SENP1: variants seen among roughly 807,000 people sequenced by gnomAD.
The protein encoded by SENP1 is sentrin-specific protease 1.
In SENP1, 21 loss-of-function variants were observed where a neutral mutation model predicts 93.0. The ratio of observed to expected loss-of-function variants is 0.23; its 90% CI spans 0.16 to 0.33. The LOEUF (loss-of-function observed/expected upper bound fraction) is 0.33. SENP1 is among the 10% of genes least tolerant of loss of function. The probability of loss-of-function intolerance (pLI) is 1.00; values close to 1 mark genes in which losing one functional copy is unlikely to be tolerated. For synonymous variants in SENP1, 256 were observed against 259.6 expected, an observed-to-expected ratio of 0.99 and a Z score of 0.13; for missense variants, 591 against 758.7, an observed-to-expected ratio of 0.78 and a Z score of 2.60.
In SENP1 at chr12:48,045,365, C is replaced by T. The variant is rs1268833368; in HGVS notation, c.1892G>A (p.Arg631Gln). The T allele has an allele frequency of 1.2e-6, 2 of 1,613,684 alleles. No homozygotes were observed. ...GAGGATCTCCCAGACCATCCGCTTC[C>T]GGAAGTATGGCATGTGTTGCTGTAG... Reference protein sequence around the residue: ...NFTQQHMPYFRKRMVWEILHR... With the variant: ...NFTQQHMPYFQKRMVWEILHR... The change falls in exon 18 of 18, where the codon CGG becomes CAG. Residue 631 changes from arginine to glutamine, a missense_variant. This residue lies in a region of SENP1 where 132 missense variants were observed against 230.1 expected (regional missense o/e 0.57). Transcript: ENST00000549518.
chr12:48,096,027 T>G (rs988902627), intron 4 of SENP1, among the ~76,000 whole-genome samples: 1 of 152,138 alleles, frequency 6.6e-6, no homozygotes, highest in Non-Finnish European at 1.5e-5. Flanking sequence ...ACAAACACCC[T>G]TTACACACAT....
intron 6 of SENP1, among the ~76,000 whole-genome samples, chr12:48,078,541 GAC>G (rs1357689937): frequency 6.7e-6 from 1 of 148,980 alleles, no homozygotes; most frequent in Non-Finnish European, 1.5e-5. Context: ...TTTTTTTTGA[GAC>G]AGAGTCTTGC....
intron 6 of SENP1, among the ~76,000 whole-genome samples, chr12:48,081,717 C>T (rs190646863): frequency 5.3e-5 from 8 of 151,848 alleles, no homozygotes; most frequent in Admixed American, 1.3e-4. Flanking sequence ...ACTACAGCCA[C>T]CTGCCACCAC....
rs1279698403 is a variant in SENP1, at chr12:48,083,661, C to G, written c.482G>C (p.Ser161Thr). The change falls in exon 6 of 18, where the codon AGT becomes ACT. Residue 161 changes from serine (S) to threonine (T), a missense_variant. By Grantham distance (58) the Ser-to-Thr change is moderately conservative. Transcript: ENST00000549518. ...CAAAAGACTTCGACGACATGAACCACTCCAAGATGGACTTGGAACAGGTTT... is the reference window on the plus strand; with the variant it reads ...CAAAAGACTTCGACGACATGAACCAGTCCAAGATGGACTTGGAACAGGTTT... ...PIKPVPSPSWSGSCRRSLLSP... is the reference protein window; with the variant it reads ...PIKPVPSPSWTGSCRRSLLSP... 3 of 1,613,444 alleles carry G rather than the reference C, an allele frequency of 1.9e-6. No homozygotes were observed. In the South Asian group the frequency reaches 3.3e-5, roughly 18 times the overall value.
intron 10 of SENP1, among the ~76,000 whole-genome samples, chr12:48,066,623 C>T (rs1278147675): frequency 2.0e-5 from 3 of 151,740 alleles, no homozygotes; most frequent in Non-Finnish European, 2.9e-5. Context: ...GCAATCCTCC[C>T]GCCTCAGCCT....
intron 6 of SENP1, among the ~76,000 whole-genome samples, chr12:48,078,334 T>TACAC (rs1555182749): frequency 3.2e-4 from 22 of 67,766 alleles, no homozygotes; most frequent in Middle Eastern, 7.9e-3. Flanking sequence ...TATATATATA[T>TACAC]ACACACACAT....
intron 6 of SENP1, among the ~76,000 whole-genome samples, chr12:48,077,154 G>A (rs1302472067): frequency 6.6e-6 from 1 of 152,176 alleles, no homozygotes; most frequent in Non-Finnish European, 1.5e-5. Flanking sequence ...TTGGTATTGA[G>A]TTGAGCTCCT....
At chr12:48,071,765 A>G (rs891546197) in intron 8 of SENP1, 44 bp from the exon 9 acceptor site, 1 of 1,301,808 alleles carries the variant, frequency 7.7e-7, no homozygotes, top group African/African-American at 1.5e-5. Context: ...AAACTCCACA[A>G]AGTTATACTT....
chr12:48,105,682 G>T, intron 1 of SENP1: 1 of 445,490 alleles, frequency 2.2e-6, no homozygotes, highest in Non-Finnish European at 4.2e-6. Flanking sequence ...CAGCTCTGGC[G>T]GGAAAGCCCC....
chr12:48,084,201 C>T (rs1021646753), intron 5 of SENP1, among the ~76,000 whole-genome samples: 1 of 152,166 alleles, frequency 6.6e-6, no homozygotes, highest in African/African-American at 2.4e-5. Flanking sequence ...TGCATAAAGG[C>T]TGAAGCCTCT....
chr12:48,088,556 T>C, intron 5 of SENP1: 1 of 470,504 alleles, frequency 2.1e-6, no homozygotes, highest in Non-Finnish European at 3.8e-6. Context: ...AGGCTCCCAA[T>C]ATTCTCATAT....
chr12:48,045,552 G>A lies in SENP1; in HGVS notation c.1873-168C>T, dbSNP rs539182707. 5.3e-5 allele frequency among the ~76,000 whole-genome samples: 8 copies of A among 151,952 alleles called. No homozygotes were observed. The South Asian group carries it at 6.2e-4, about 12-fold the overall frequency. On this transcript the variant is annotated intron_variant, in intron 17 of 17. Coordinates refer to ENST00000549518, the MANE Select transcript of SENP1 (RefSeq NM_001267594.2). ...TACATGTAGTTTTTTTCTTTTCATT[G>A]CTTTTTCTATTGTTATTTTTCACCA...
At chr12:48,071,572 C>T (rs552260616) in intron 9 of SENP1, 95 bp downstream of exon 9, 80 of 819,410 alleles carry the variant, frequency 9.8e-5, no homozygotes, top group African/African-American at 8.5e-4. Flanking sequence ...ACCAAGATCG[C>T]GCCACTACAC....
chr12:48,093,907 A>G (rs546984713), intron 4 of SENP1, among the ~76,000 whole-genome samples: 2 of 152,294 alleles, frequency 1.3e-5, no homozygotes, highest in South Asian at 4.1e-4. Context: ...GGTTGCAGTG[A>G]GCTGTCATTG....
intron 1 of SENP1, among the ~76,000 whole-genome samples, chr12:48,104,232 TATAGAGAGAG>T (rs1411408812): frequency 1.2e-4 from 3 of 24,962 alleles, no homozygotes; most frequent in Non-Finnish European, 1.6e-4. Context: ...AAAAAATATA[TATAGAGAGAG>T]AGAGAGAGAG....
intron 1 of SENP1, among the ~76,000 whole-genome samples, chr12:48,103,566 T>A (rs1446428550): frequency 6.6e-6 from 1 of 152,250 alleles, no homozygotes; most frequent in East Asian, 1.9e-4. Flanking sequence ...CCACTTGCAG[T>A]TACATTGGGA....
chr12:48,097,975 G>C lies in SENP1; in HGVS notation c.135+19C>G, dbSNP rs1432394959. On this transcript the variant is annotated intron_variant, in intron 3 of 17. Transcript: ENST00000549518. ...AGCCCAAATAATTAATTAATTAAAG[G>C]AAGAAAATTGCTCCTAACCTGCTGG... 6.2e-7 allele frequency: 1 copy of C among 1,606,596 alleles called. No homozygotes were observed.
rs2137295500 is a variant in SENP1, at chr12:48,098,041, G to A, written c.88C>T (p.Pro30Ser). ...HNSVFKTHLL[P>S]QTGFPEDQLS... ...TGGTCCTCTGGAAAACCTGTTTGTGGCAGGAGGTGGGTTTTGAATACGGAG... is the reference window on the plus strand; with the variant it reads ...TGGTCCTCTGGAAAACCTGTTTGTGACAGGAGGTGGGTTTTGAATACGGAG... Residue 30 changes from proline to serine, a missense_variant, in exon 3 of 18, where the codon CCA (proline) becomes TCA (serine). Physicochemically the swap from Pro to Ser is moderately conservative, Grantham distance 74. Around this residue, in one of 4 missense-constraint regions of SENP1, gnomAD observed 214 missense variants for 243.4 expected, o/e 0.88. Coordinates refer to ENST00000549518, the MANE Select transcript of SENP1 (RefSeq NM_001267594.2). 1.2e-6 allele frequency: 2 copies of A among 1,613,724 alleles called. No individual in the cohort carries two copies. The highest frequency in any genetic ancestry group is 2.2e-5 in the East Asian group (1 of 44,876).
chr12:48,092,118 G>A (rs929682912), intron 4 of SENP1, among the ~76,000 whole-genome samples: 1 of 152,138 alleles, frequency 6.6e-6, no homozygotes, highest in African/African-American at 2.4e-5. Context: ...AAGTAATAAA[G>A]GAGAAGTTCC....
Sources: allele counts gnomAD v4.1 joint callset (sites outside exome capture counted in the v4.1 genomes callset), GRCh38; gene constraint gnomAD v4.1.1; regional missense constraint gnomAD v4.1.1; transcripts MANE v1.5; gene names NCBI Gene and HGNC (gene_info 2026-07-23, HGNC 2026-07-21).